NHSL1: variants seen among roughly 807,000 people sequenced by gnomAD.
NHSL1 encodes NHS-like protein 1.
NHSL1 carries 48 observed loss-of-function variants against 95.0 expected under a neutral mutation model. The observed-to-expected ratio is 0.51, with a 90% confidence interval of 0.40 to 0.64. The LOEUF is 0.64. NHSL1 is among the 30% of genes least tolerant of loss of function. The pLI, the probability that NHSL1 is intolerant of heterozygous loss-of-function variation, is 0.00. For synonymous variants in NHSL1, 783 were observed against 833.9 expected (o/e 0.94, Z 1.05); for missense variants, 1,971 against 2,077.7 (o/e 0.95, Z 1.00).
intron 1 of NHSL1, among the ~76,000 whole-genome samples, chr6:138,617,608 T>C (rs1784597380): frequency 6.6e-6 from 1 of 152,240 alleles, no homozygotes; most frequent in South Asian, 2.1e-4. Context: ...AGAAGAGGAA[T>C]GCATGCTTGT....
intron 1 of NHSL1, among the ~76,000 whole-genome samples, chr6:138,605,748 G>A (rs1235680218): frequency 6.6e-6 from 1 of 152,206 alleles, no homozygotes; most frequent in Admixed American, 6.5e-5. Context: ...ATTAAGGTAA[G>A]TTTCTACACT....
At chr6:138,476,092 C>T (rs576680891) in intron 2 of NHSL1, among the ~76,000 whole-genome samples, 129 of 152,306 alleles carry the variant, frequency 8.5e-4, no homozygotes, top group Middle Eastern at 3.4e-3. Flanking sequence ...ATGGAGATTT[C>T]TCAAAGAACT....
intron 1 of NHSL1, among the ~76,000 whole-genome samples, chr6:138,600,682 A>G (rs898878560): frequency 1.3e-5 from 2 of 152,212 alleles, no homozygotes; most frequent in Non-Finnish European, 2.9e-5. Flanking sequence ...AGCTATACTT[A>G]AAATTTTCTT....
rs982059384 is a variant in NHSL1, at chr6:138,435,872, A to C, written c.665-2192T>G. 8.6e-5 allele frequency among the ~76,000 whole-genome samples: 13 copies of C among 151,946 alleles called. No individual in the cohort carries two copies. In the South Asian group the frequency reaches 2.7e-3, roughly 32 times the overall value. On this transcript the variant is annotated intron_variant, in intron 5 of 7. Coordinates refer to ENST00000343505, the MANE Select transcript of NHSL1 (RefSeq NM_001144060.2). ...TTCTTGCAATATTTCAAACTTTTTC[A>C]TTATTATTAGATCTGTTACGGTGAT...
At chr6:138,578,834 G>T (rs544934566) in intron 1 of NHSL1, among the ~76,000 whole-genome samples, 2 of 152,286 alleles carry the variant, frequency 1.3e-5, no homozygotes, top group Admixed American at 1.3e-4. Context: ...TGCACAGACT[G>T]TATTTAAGTT....
In NHSL1 at chr6:138,430,799, T is replaced by C. The variant is rs759230032; in HGVS notation, c.3546A>G (p.Pro1182=). Residue 1182 remains proline (P), a synonymous_variant, in exon 6 of 8, where the codon CCA becomes CCG. Coordinates refer to ENST00000343505, the MANE Select transcript of NHSL1 (RefSeq NM_001144060.2). The surrounding 1 kb of genome is among the most constrained non-coding windows in gnomAD (Gnocchi z 4.7). ...AEARPSPSTT[P]LPDSSPSRKP... is the part of the protein sequence containing the mutation. The stretch of plus-strand genomic sequence containing the variant: ...TCCTGCTGGGTGAAGAGTCTGGGAG[T>C]GGGGTGGTGCTGGGGCTGGGCCGAG... The C allele has an allele frequency of 2.6e-6, 4 of 1,549,768 alleles. No individual in the cohort carries two copies. In the African/African-American group the frequency reaches 4.1e-5, roughly 16 times the overall value.
At chr6:138,687,970 G>GGGGGGA (rs1785608977) in intron 1 of NHSL1, among the ~76,000 whole-genome samples, 4 of 151,568 alleles carry the variant, frequency 2.6e-5, no homozygotes, top group Admixed American at 1.3e-4. Flanking sequence ...TTTTTTTGGG[G>GGGGGGA]ACACAGAGTC....
chr6:138,625,617 T>A (rs1784726584), intron 1 of NHSL1, among the ~76,000 whole-genome samples: 1 of 147,766 alleles, frequency 6.8e-6, no homozygotes, highest in South Asian at 2.2e-4. Flanking sequence ...AGCTCTAAAG[T>A]ACTTGTTTTT....
intron 1 of NHSL1, among the ~76,000 whole-genome samples, chr6:138,606,064 G>A (rs974401756): frequency 6.6e-6 from 1 of 152,042 alleles, no homozygotes; most frequent in African/African-American, 2.4e-5. Context: ...GGATGAAGGG[G>A]CTTCACAAAA....
chr6:138,500,749 G>A (rs1780630730), upstream of NHSL1, among the ~76,000 whole-genome samples: 1 of 151,144 alleles, frequency 6.6e-6, no homozygotes, highest in Non-Finnish European at 1.5e-5. Context: ...AACACATAGG[G>A]GAAAGCTTTG....
At chr6:138,460,732 A>G (rs1022956690) in intron 3 of NHSL1, among the ~76,000 whole-genome samples, 3 of 151,802 alleles carry the variant, frequency 2.0e-5, no homozygotes, top group African/African-American at 7.3e-5. Flanking sequence ...TAATCATAAA[A>G]TTCTCTGCTT....
chr6:138,471,067 G>A (rs1160652373), intron 3 of NHSL1, among the ~76,000 whole-genome samples: 3 of 151,946 alleles, frequency 2.0e-5, no homozygotes, highest in Admixed American at 6.6e-5. Flanking sequence ...GTGATTTGTC[G>A]ACCCTCTCAC....
chr6:138,593,326 C>T lies in NHSL1; in HGVS notation c.97-96955G>A, dbSNP rs562992718. ...ATGCTTCAGGTCTGGCTCTGAAGTT[C>T]GTGATTCCCCGTTCATAGTCTTCAA... On this transcript the variant is annotated intron_variant, in intron 1 of 3. Transcript: ENST00000491526. 8.5e-5 allele frequency among the ~76,000 whole-genome samples: 13 copies of T among 152,316 alleles called. No individual in the cohort carries two copies. In the South Asian group the frequency reaches 1.7e-3, roughly 19 times the overall value.
intron 2 of NHSL1, among the ~76,000 whole-genome samples, chr6:138,479,271 T>C (rs1057243838): frequency 6.6e-6 from 1 of 152,216 alleles, no homozygotes; most frequent in Non-Finnish European, 1.5e-5. Context: ...CGTCAGCATA[T>C]GATTTTCTTT....
At chr6:138,584,535 G>A (rs1784105276) in intron 1 of NHSL1, among the ~76,000 whole-genome samples, 1 of 152,192 alleles carries the variant, frequency 6.6e-6, no homozygotes, top group Non-Finnish European at 1.5e-5. Context: ...AGTGGTCCCT[G>A]TGCAATTACT....
intron 3 of NHSL1, among the ~76,000 whole-genome samples, chr6:138,456,014 T>A (rs186972362): frequency 6.6e-6 from 1 of 152,232 alleles, no homozygotes; most frequent in African/African-American, 2.4e-5. Context: ...CATCTGAGCA[T>A]CTAGTCTGTG....
chr6:138,432,926 C>T lies in NHSL1; in HGVS notation c.1419G>A (p.Glu473=), dbSNP rs1347277584. The change falls in exon 6 of 8, where the codon GAG becomes GAA. Residue 473 remains glutamate (E), a synonymous_variant. Transcript: ENST00000343505. The surrounding 1 kb of genome is among the most constrained non-coding windows in gnomAD (Gnocchi z 4.4). ...CCTGTGAAAGAATGGTGGCATGGCC[C>T]TCATTCCAGTGGCGACCGGGAGACT... The part of the protein sequence containing the change: ...DPQSPGRHWN[E]GHATILSQDL... The T allele has an allele frequency of 6.4e-7, 1 of 1,551,230 alleles. No homozygotes were observed. The highest frequency in any genetic ancestry group is 8.7e-7 in the Non-Finnish European group (1 of 1,146,656).
chr6:138,496,839 ATTAT>A lies in NHSL1; in HGVS notation c.59-472_59-469del, dbSNP rs143683256. Among the ~76,000 whole-genome samples the A allele has an allele frequency of 8.7e-4, 132 of 152,344 alleles. 4 individuals are homozygous for A. In the East Asian group the frequency reaches 0.022, roughly 25 times the overall value. ...ATAACAAATATTCTCCCTCTACAGC[ATTAT>A]TTAAAGAGCATCACTGTTATAAACT... is the stretch of plus-strand genomic sequence containing the variant. On this transcript the variant is annotated intron_variant, in intron 1 of 7. Transcript: ENST00000343505.
At chr6:138,541,138 C>T (rs548053894) in intron 1 of NHSL1, among the ~76,000 whole-genome samples, 29 of 152,182 alleles carry the variant, frequency 1.9e-4, no homozygotes, top group African/African-American at 4.6e-4. Flanking sequence ...GAGGCTGAGG[C>T]GGCGAATTAC....
Sources: gnomAD v4.1 joint callset for allele counts (sites outside exome capture counted in the v4.1 genomes callset) on GRCh38, gnomAD v4.1.1 for gene constraint, Gnocchi (gnomAD v3.1) non-coding constraint, MANE v1.5 for transcripts, NCBI Gene and HGNC (gene_info 2026-07-23, HGNC 2026-07-21) for gene names.